Variants in SKIC8 observed in about 807,000 individuals in gnomAD.
The protein encoded by SKIC8 is SKI8 subunit of superkiller complex.
chr15:78,289,221 T>C, the SKIC8 span, among the ~76,000 whole-genome samples: 1 of 151,912 alleles, frequency 6.6e-6, no homozygotes, highest in Non-Finnish European at 1.5e-5. Context: ...TAGAGACCAG[T>C]CTGGGAAACA....
At chr15:78,283,730 CA>C in the SKIC8 span, 118,486 of 316,112 alleles carry the variant, frequency 0.37, 8,831 homozygotes, top group Admixed American at 0.42. Flanking sequence ...TCCCATACTC[CA>C]AAAAAAAAAA....
the SKIC8 span, chr15:78,292,581 A>T: frequency 6.2e-7 from 1 of 1,613,420 alleles, no homozygotes; most frequent in Non-Finnish European, 8.5e-7. Context: ...GAAATCATGA[A>T]CCTCTATTAT....
the SKIC8 span, chr15:78,293,238 C>T: frequency 5.0e-6 from 8 of 1,613,902 alleles, no homozygotes; most frequent in Non-Finnish European, 6.8e-6. Flanking sequence ...TCTTGTTTGT[C>T]CCCCAAGCAA....
the SKIC8 span, chr15:78,288,210 T>C: frequency 6.9e-7 from 1 of 1,459,382 alleles, no homozygotes; most frequent in African/African-American, 1.4e-5. Context: ...TTACTAGGGC[T>C]CCTCCCTAGG....
At chr15:78,299,344 C>T in the SKIC8 span, 1 of 152,494 alleles carries the variant, frequency 6.6e-6, no homozygotes, top group East Asian at 1.9e-4. Flanking sequence ...AGGAGGCCAC[C>T]CACGGGCCTC....
At chr15:78,285,438 AC>A in the SKIC8 span, 2 of 1,010,968 alleles carry the variant, frequency 2.0e-6, no homozygotes, top group African/African-American at 1.6e-5. Flanking sequence ...AGACCCCCCA[AC>A]CCCATGCCTC....
At chr15:78,293,379 T>C in the SKIC8 span, 1 of 1,143,880 alleles carries the variant, frequency 8.7e-7, no homozygotes, top group East Asian at 2.4e-5. Context: ...TTTGCTTTAC[T>C]ATTTTACAAA....
the SKIC8 span, chr15:78,295,401 C>CG: frequency 2.5e-6 from 1 of 393,862 alleles, no homozygotes; most frequent in Non-Finnish European, 4.6e-6. Flanking sequence ...CTATTCTGAT[C>CG]TTTTTTTTTT....
At chr15:78,294,136 C>T in the SKIC8 span, among the ~76,000 whole-genome samples, 1 of 152,218 alleles carries the variant, frequency 6.6e-6, no homozygotes, top group Non-Finnish European at 1.5e-5. Flanking sequence ...TAACTTGCCA[C>T]CTGGATGACA....
At chr15:78,296,537 G>T in the SKIC8 span, among the ~76,000 whole-genome samples, 4 of 151,272 alleles carry the variant, frequency 2.6e-5, no homozygotes, top group South Asian at 6.3e-4. Flanking sequence ...TCGAGATAGG[G>T]TCTTGCTCCA....
At chr15:78,287,632 A>T in the SKIC8 span, among the ~76,000 whole-genome samples, 2 of 152,210 alleles carry the variant, frequency 1.3e-5, no homozygotes, top group Non-Finnish European at 2.9e-5. Flanking sequence ...TGACCATAGC[A>T]CCGAGTCATA....
the SKIC8 span, among the ~76,000 whole-genome samples, chr15:78,289,235 A>G: frequency 6.6e-6 from 1 of 152,064 alleles, no homozygotes; most frequent in Non-Finnish European, 1.5e-5. Flanking sequence ...GGAAACAGCA[A>G]GACCCCATCT....
the SKIC8 span, chr15:78,294,803 G>T: frequency 2.7e-6 from 2 of 740,536 alleles, no homozygotes; most frequent in Non-Finnish European, 4.4e-6. Flanking sequence ...TGTTTTTTAA[G>T]AGTATTTGTT....
the SKIC8 span, chr15:78,288,336 C>T: frequency 6.2e-7 from 1 of 1,613,916 alleles, no homozygotes; most frequent in Admixed American, 1.7e-5. Flanking sequence ...TGACAAGGAG[C>T]TGGGAGTCCG....
the SKIC8 span, among the ~76,000 whole-genome samples, chr15:78,293,917 A>G: frequency 3.2e-4 from 49 of 152,250 alleles, 1 homozygote; most frequent in Admixed American, 3.1e-3. Flanking sequence ...TGTAAGCTGC[A>G]TATTTGGTAG....
At chr15:78,293,961 T>C in the SKIC8 span, among the ~76,000 whole-genome samples, 1 of 152,202 alleles carries the variant, frequency 6.6e-6, no homozygotes, top group South Asian at 2.1e-4. Flanking sequence ...CCAGTGTGGA[T>C]GTAAAAACGT....
the SKIC8 span, chr15:78,286,142 G>C: frequency 1.3e-6 from 2 of 1,557,706 alleles, no homozygotes; most frequent in South Asian, 2.2e-5. Context: ...GTCTGAAATG[G>C]GAAAGTTTCA....
At chr15:78,293,129 A>T in the SKIC8 span, 3 of 1,583,496 alleles carry the variant, frequency 1.9e-6, no homozygotes, top group African/African-American at 4.1e-5. Context: ...CTCAGCCCCC[A>T]ATTTTCCAAG....
the SKIC8 span, chr15:78,294,446 C>G: frequency 6.2e-6 from 1 of 162,384 alleles, no homozygotes. Context: ...GCCACCTGCT[C>G]TCCCATCCCT....
Sources: gnomAD v4.1 joint callset for allele counts (sites outside exome capture counted in the v4.1 genomes callset) on GRCh38, gnomAD v4.1.1 for gene constraint, MANE v1.5 for transcripts, NCBI Gene and HGNC (gene_info 2026-07-23, HGNC 2026-07-21) for gene names.